POLDIP2: variants seen among roughly 807,000 people sequenced by gnomAD.
The protein encoded by POLDIP2 is polymerase delta-interacting protein 2.
Under a neutral mutation model 52.9 loss-of-function variants are expected in POLDIP2, and 32 were observed. The observed-to-expected ratio is 0.61, with a 90% CI of 0.46 to 0.81. The LOEUF (loss-of-function observed/expected upper bound fraction) is 0.81, where lower values mean the gene tolerates loss of function less well. POLDIP2 is among the 40% of genes least tolerant of loss of function. The pLI is 0.00. For missense variants in POLDIP2, 371 were observed against 477.3 expected, an observed-to-expected ratio of 0.78 and a Z score of 2.07; for synonymous variants, 183 against 183.0, an observed-to-expected ratio of 1.00 and a Z score of 0.00.
intron 6 of POLDIP2, 88 bp downstream of exon 6, chr17:28,352,824 C>G (rs764768975): frequency 5.3e-5 from 42 of 787,686 alleles, no homozygotes; most frequent in Non-Finnish European, 8.2e-5. Flanking sequence ...CAGGCGTGAG[C>G]CACCGTGCCC....
At chr17:28,356,779 A>G (rs1359610980) in intron 1 of POLDIP2, among the ~76,000 whole-genome samples, 7 of 152,154 alleles carry the variant, frequency 4.6e-5, no homozygotes, top group African/African-American at 1.7e-4. Context: ...CCATCCGTGG[A>G]AACAGTTTCC....
At chr17:28,353,637 T>C in intron 4 of POLDIP2, 58 bp downstream of exon 4, 1 of 1,205,650 alleles carries the variant, frequency 8.3e-7, no homozygotes, top group Non-Finnish European at 1.2e-6. Context: ...TTGTCCCCAT[T>C]GGGATGCAGG....
In POLDIP2 at chr17:28,348,154, T is replaced by C; in HGVS notation, c.1070A>G (p.Lys357Arg). 6.2e-7 allele frequency: 1 copy of C among 1,613,780 alleles called. No homozygotes were observed. Among genetic ancestry groups the C allele is most frequent in the Non-Finnish European group, 8.5e-7 (1 of 1,179,662 alleles). The change falls in exon 11 of 11, where the codon AAA becomes AGA. Residue 357 changes from lysine to arginine, a missense_variant. Coordinates refer to ENST00000540200, the MANE Select transcript of POLDIP2 (RefSeq NM_015584.5). The stretch of plus-strand genomic sequence containing the variant: ...GCCTGAGGGTGGTGTCTTCTCATCT[T>C]TATTGCTTTCCAGGGAGAAGGGAGG... The part of the protein sequence containing the change: ...RIPPFSLESN[K>R]DEKTPPSGLH...
chr17:28,349,087 T>A lies in POLDIP2; in HGVS notation c.988A>T (p.Met330Leu). 1 of 1,611,212 alleles carries A rather than the reference T, an allele frequency of 6.2e-7. No individual in the cohort carries two copies. The highest frequency in any genetic ancestry group is 8.5e-7 in the Non-Finnish European group (1 of 1,177,752). ...HVSLQASSGH[M>L]WGTFRFERPD... ...CTGCTGTGCACACTCACTCACCACA[T>A]GTGCCCACTGGAAGCCTGCAGCGAG... Residue 330 changes from methionine (M) to leucine (L), a missense_variant, in exon 10 of 11, where the codon ATG becomes TTG. Physicochemically the swap from Met to Leu is conservative, Grantham distance 15 (BLOSUM62 2). Transcript: ENST00000540200.
At chr17:28,351,136 C>T (rs1555579886) in intron 7 of POLDIP2, among the ~76,000 whole-genome samples, 1 of 152,198 alleles carries the variant, frequency 6.6e-6, no homozygotes, top group African/African-American at 2.4e-5. Context: ...CCTCCTGTCT[C>T]CCATTACTGT....
Position 28,357,456 on chromosome 17 carries a change from C to T in POLDIP2, c.-8G>A. The T allele has an allele frequency of 7.0e-7, 1 of 1,433,416 alleles. No homozygotes were observed. The highest frequency in any genetic ancestry group is 1.5e-5 in the African/African-American group (1 of 66,598). 88.8% of individuals were successfully genotyped at this position (1,433,416 alleles called of 1,614,324 possible). A position where few individuals can be genotyped will look rare whatever the true frequency, so the allele number is the denominator to read the frequency against. On this transcript the variant is annotated 5_prime_UTR_variant, in exon 1 of 11. Transcript: ENST00000540200. The stretch of plus-strand genomic sequence containing the variant: ...GGCTGTACAGGCTGCCATGTCCCGC[C>T]CGAGCGCCCGCCCGGCTGCTGACAC...
chr17:28,353,413 T>A, intron 4 of POLDIP2, 97 bp from the exon 5 acceptor site: 1 of 706,108 alleles, frequency 1.4e-6, no homozygotes, highest in Admixed American at 2.0e-5. Context: ...TCCCAGCTAC[T>A]CGGGTGGCTG....
intron 7 of POLDIP2, 78 bp from the exon 8 acceptor site, chr17:28,350,870 T>C: frequency 1.7e-6 from 2 of 1,195,026 alleles, no homozygotes; most frequent in Non-Finnish European, 2.4e-6. Context: ...TCCAGTGCAG[T>C]TGATGTATTC....
chr17:28,353,652 T>G, intron 4 of POLDIP2, 43 bp downstream of exon 4: 1 of 1,370,024 alleles, frequency 7.3e-7, no homozygotes, highest in Non-Finnish European at 1.0e-6. Flanking sequence ...TGCAGGACTT[T>G]CCATGGAGAG....
rs781991780 is a variant in POLDIP2, at chr17:28,352,894, C to T, written c.622+18G>A. On this transcript the variant is annotated intron_variant, in intron 6 of 10. Transcript: ENST00000540200. ...AAAAGGCCCTCCCATTCCACCTCCC[C>T]TTCTTGAGAGAGATTACCTTTTGTC... 2.7e-6 allele frequency: 4 copies of T among 1,506,932 alleles called. No homozygotes were observed. Among genetic ancestry groups the T allele is most frequent in the Admixed American group, 3.4e-5 (2 of 58,210 alleles). 93.3% of individuals were successfully genotyped at this position (1,506,932 alleles called of 1,614,324 possible). A position where few individuals can be genotyped will look rare whatever the true frequency, so the allele number is the denominator to read the frequency against.
At chr17:28,354,127 T>TA (rs1167193663) in intron 3 of POLDIP2, among the ~76,000 whole-genome samples, 7 of 152,202 alleles carry the variant, frequency 4.6e-5, no homozygotes, top group African/African-American at 1.7e-4. Flanking sequence ...TGTGATCACT[T>TA]AATGGGGCTG....
intron 8 of POLDIP2, 30 bp downstream of exon 8, chr17:28,350,736 G>T: frequency 6.3e-7 from 1 of 1,594,846 alleles, no homozygotes; most frequent in Admixed American, 1.7e-5. Context: ...CACCCCACAA[G>T]CTCCCCTTCT....
At position 28,351,657 on chromosome 17, in the gene POLDIP2, C is replaced by T; in HGVS notation, c.759+7G>A. ...CCTGCTAGAAGGGGTCCAGGCTGGCCACATACCCTCATGCCCATGTAGAAG... is the reference window on the plus strand; with the variant it reads ...CCTGCTAGAAGGGGTCCAGGCTGGCTACATACCCTCATGCCCATGTAGAAG... On this transcript the variant is annotated splice_region_variant and intron_variant, in intron 7 of 10. Transcript: ENST00000540200. 4 of 1,613,386 alleles carry T rather than the reference C, an allele frequency of 2.5e-6. No individual in the cohort carries two copies. Among genetic ancestry groups the T allele is most frequent in the South Asian group, 1.1e-5 (1 of 91,020 alleles).
At position 28,354,773 on chromosome 17, in the gene POLDIP2, C is replaced by T. The variant is rs552172026; in HGVS notation, c.244-188G>A. ...TTTCTTCTTTACCTGGCTGACTCTA[C>T]TCATCCTTTAGGTAAAAGCTTAGGC... On this transcript the variant is annotated intron_variant, in intron 2 of 10. Coordinates refer to ENST00000540200, the MANE Select transcript of POLDIP2 (RefSeq NM_015584.5). Among the ~76,000 whole-genome samples, 4 of 152,342 alleles carry T rather than the reference C, an allele frequency of 2.6e-5. No individual in the cohort carries two copies. The East Asian group carries it at 7.7e-4, about 29-fold the overall frequency.
At chr17:28,350,726 C>A in intron 8 of POLDIP2, 40 bp downstream of exon 8, 1 of 1,592,184 alleles carries the variant, frequency 6.3e-7, no homozygotes, top group East Asian at 2.3e-5. Context: ...CCCCCAGGCA[C>A]ACCCCACAAG....
In POLDIP2 at chr17:28,351,770, C is replaced by T; in HGVS notation, c.653G>A (p.Arg218Lys). 1 of 1,613,736 alleles carries T rather than the reference C, an allele frequency of 6.2e-7. No individual in the cohort carries two copies. ...APPFVARETL[R>K]AWQEKNHPWL... ...GGGGTGATTCTTCTCTTGCCAGGCCCTTAGCGTCTCCCGAGCCACAAAAGG... is the reference window on the plus strand; with the variant it reads ...GGGGTGATTCTTCTCTTGCCAGGCCTTTAGCGTCTCCCGAGCCACAAAAGG... Residue 218 changes from arginine (R) to lysine (K), a missense_variant, in exon 7 of 11, where the codon AGG becomes AAG. By Grantham distance (26) the Arg-to-Lys change is conservative. Transcript: ENST00000540200.
chr17:28,348,294 G>A, intron 10 of POLDIP2, 63 bp from the exon 11 acceptor site: 2 of 1,074,070 alleles, frequency 1.9e-6, no homozygotes, highest in Admixed American at 1.8e-5. Flanking sequence ...GGATCTGGAT[G>A]GCCCCATGCC....
intron 8 of POLDIP2, 42 bp from the exon 9 acceptor site, chr17:28,350,605 T>G (rs782493025): frequency 6.2e-7 from 1 of 1,601,944 alleles, no homozygotes; most frequent in South Asian, 1.1e-5. Flanking sequence ...AAAATAAAAT[T>G]TGGGTAACCC....
In POLDIP2 at chr17:28,346,808, G is replaced by A. The variant is rs60150286; in HGVS notation, c.*1309C>T. 2.0e-5 allele frequency: 3 copies of A among 152,216 alleles called. No homozygotes were observed. The highest frequency in any genetic ancestry group is 4.8e-5 in the African/African-American group (2 of 41,452). The allele number at this position is 152,216 out of a possible 1,614,324, so 9.4% of individuals were successfully genotyped here. ...GTCAGATTTTCTTGTCAGTTTCTGA[G>A]AAACCTGGCAGCCTGCTGTTAACAA... On this transcript the variant is annotated 3_prime_UTR_variant, in exon 11 of 11. Transcript: ENST00000540200.
Sources: gnomAD v4.1 joint callset for allele counts (sites outside exome capture counted in the v4.1 genomes callset) on GRCh38, gnomAD v4.1.1 for gene constraint, MANE v1.5 for transcripts, NCBI Gene and HGNC (gene_info 2026-07-23, HGNC 2026-07-21) for gene names.